RNF17: variants seen among roughly 807,000 people sequenced by gnomAD.
The protein encoded by RNF17 is spermatogenesis associated 23.
Under a neutral mutation model 200.5 loss-of-function variants are expected in RNF17, and 31 were observed. That is an observed-to-expected ratio of 0.15 (90% CI 0.12 to 0.21). The LOEUF is 0.21. Among genes scored for constraint, RNF17 ranks in the 10% least tolerant of loss-of-function variants. The pLI is 1.00. For missense variants in RNF17, 1,628 were observed against 1,905.1 expected, an observed-to-expected ratio of 0.85 and a Z score of 2.71; for synonymous variants, 606 against 637.8, an observed-to-expected ratio of 0.95 and a Z score of 0.75.
the RNF17 span, among the ~76,000 whole-genome samples, chr13:24,754,664 G>A: frequency 6.6e-6 from 1 of 152,098 alleles, no homozygotes; most frequent in Non-Finnish European, 1.5e-5. Flanking sequence ...CTGAGGCTGG[G>A]CAGATCGCTT....
chr13:24,776,534 G>T (rs1273412412), intron 3 of RNF17, among the ~76,000 whole-genome samples: 2 of 152,140 alleles, frequency 1.3e-5, no homozygotes, highest in African/African-American at 4.8e-5. Flanking sequence ...CTATACCACT[G>T]GTCACTTCCT....
chr13:24,835,187 C>CT (rs1321730897), intron 18 of RNF17, among the ~76,000 whole-genome samples: 1 of 152,084 alleles, frequency 6.6e-6, no homozygotes, highest in Non-Finnish European at 1.5e-5. Context: ...CAAGGAGAGT[C>CT]TGAGCTTAAA....
intron 25 of RNF17, among the ~76,000 whole-genome samples, chr13:24,858,315 C>T (rs1892739083): frequency 6.6e-6 from 1 of 152,158 alleles, no homozygotes; most frequent in Non-Finnish European, 1.5e-5. Context: ...TATAAATAGT[C>T]ATTGTTCAAA....
At chr13:24,815,437 GT>G in intron 15 of RNF17, among the ~76,000 whole-genome samples, 1 of 79,692 alleles carries the variant, frequency 1.3e-5, no homozygotes, top group South Asian at 5.0e-4. Context: ...GGGTGTGTGT[GT>G]GTGTGTGTGT....
At chr13:24,832,169 A>G (rs1793347627) in intron 18 of RNF17, among the ~76,000 whole-genome samples, 191 bp downstream of exon 18, 1 of 152,216 alleles carries the variant, frequency 6.6e-6, no homozygotes, top group African/African-American at 2.4e-5. Context: ...AAAAATCACC[A>G]TAAAAGATCA....
chr13:24,796,454 C>T (rs1884584466), intron 11 of RNF17, among the ~76,000 whole-genome samples, 159 bp downstream of exon 11: 1 of 152,082 alleles, frequency 6.6e-6, no homozygotes, highest in Non-Finnish European at 1.5e-5. Flanking sequence ...ATTATTTAGG[C>T]AAATTAGCTA....
At chr13:24,825,558 A>C in intron 15 of RNF17, 61 bp from the exon 16 acceptor site, 1 of 1,109,036 alleles carries the variant, frequency 9.0e-7, no homozygotes, top group Non-Finnish European at 1.3e-6. Flanking sequence ...CTTGTAATTC[A>C]TTCAACACTT....
the RNF17 span, among the ~76,000 whole-genome samples, chr13:24,887,643 A>G: frequency 2.0e-3 from 305 of 151,690 alleles, no homozygotes; most frequent in African/African-American, 7.0e-3. Context: ...GGTGAGTTGT[A>G]TAATTATTTC....
intron 1 of RNF17, among the ~76,000 whole-genome samples, chr13:24,766,949 C>A (rs1196462830): frequency 6.6e-6 from 1 of 152,214 alleles, no homozygotes; most frequent in Non-Finnish European, 1.5e-5. Flanking sequence ...ATAAGTCAAC[C>A]ATTTCAAACT....
intron 11 of RNF17, among the ~76,000 whole-genome samples, chr13:24,798,977 CA>C (rs1884932251): frequency 6.6e-6 from 1 of 152,152 alleles, no homozygotes. Context: ...TCTCTCATTA[CA>C]AACTTTAATA....
rs1338694073 is a variant in RNF17 at position 24,860,881 on chromosome 13, C to T, written c.3775-387C>T. On this transcript the variant is annotated intron_variant, in intron 26 of 35. Transcript: ENST00000255324. ...TCCAGATTTTAAACTTTTCAGATGT[C>T]TTTTTTTTTTTTTTGAAACAAGTTC... Among the ~76,000 whole-genome samples, 7 of 144,298 alleles carry T rather than the reference C, an allele frequency of 4.9e-5. No homozygotes were observed. In the South Asian group the frequency reaches 8.8e-4, roughly 18 times the overall value. 94.7% of individuals were successfully genotyped at this position (144,298 alleles called of 152,430 possible).
At chr13:24,819,514 T>C (rs1460773979) in intron 15 of RNF17, among the ~76,000 whole-genome samples, 1 of 152,228 alleles carries the variant, frequency 6.6e-6, no homozygotes, top group Non-Finnish European at 1.5e-5. Context: ...TCTTGTTTCC[T>C]TTTTGTGTTT....
chr13:24,757,344 G>T, the RNF17 span, among the ~76,000 whole-genome samples: 1 of 149,212 alleles, frequency 6.7e-6, no homozygotes, highest in East Asian at 2.0e-4. Flanking sequence ...TTTTCCTTGA[G>T]GTGGAGTTTC....
In RNF17 at chr13:24,879,223, G is replaced by A. The variant is rs371675646; in HGVS notation, c.4810G>A (p.Asp1604Asn). Reference sequence around the variant, plus strand: ...AGAACAGATAGTGACATTATATGACGATGAACAGCATCCAGTTCATATGCC... The same window carrying A: ...AGAACAGATAGTGACATTATATGACAATGAACAGCATCCAGTTCATATGCC... Reference protein sequence around the residue: ...APEQIVTLYDDEQHPVHMPLV... With the variant: ...APEQIVTLYDNEQHPVHMPLV... Residue 1604 changes from aspartate (D) to asparagine (N), a missense_variant, in exon 35 of 36, where the codon GAT (aspartate) becomes AAT (asparagine). Transcript: ENST00000255324. 2.1e-5 allele frequency: 34 copies of A among 1,613,688 alleles called. No individual in the cohort carries two copies. The highest frequency in any genetic ancestry group is 1.9e-4 in the African/African-American group (14 of 75,012).
chr13:24,821,488 G>A (rs973524084), intron 15 of RNF17, among the ~76,000 whole-genome samples: 1 of 152,026 alleles, frequency 6.6e-6, no homozygotes, highest in South Asian at 2.1e-4. Context: ...TAATGTCTCT[G>A]TTGGTTCACT....
intron 15 of RNF17, among the ~76,000 whole-genome samples, chr13:24,815,428 G>GT: frequency 6.9e-6 from 1 of 144,194 alleles, no homozygotes; most frequent in East Asian, 2.0e-4. Flanking sequence ...GCCCTAACGG[G>GT]GTGTGTGTGT....
rs567504944 is a variant in RNF17, at chr13:24,789,816, G to A, written c.935+44G>A. On this transcript the variant is annotated intron_variant, in intron 9 of 35. Transcript: ENST00000255324. ...GGTAACATGCCATTAGTGTCTGACA[G>A]TACTTACATTATCTAAGAGACAGAA... 1.4e-5 allele frequency: 15 copies of A among 1,054,538 alleles called. No individual in the cohort carries two copies. The South Asian group carries it at 1.8e-4, about 13-fold the overall frequency. 65.3% of individuals were successfully genotyped at this position (1,054,538 alleles called of 1,614,324 possible).
intron 14 of RNF17, among the ~76,000 whole-genome samples, chr13:24,803,578 C>T (rs1885509086): frequency 6.6e-6 from 1 of 152,190 alleles, no homozygotes; most frequent in African/African-American, 2.4e-5. Flanking sequence ...GCCACAGTGC[C>T]TAGGCTGTCC....
At chr13:24,849,283 G>C (rs143780616) in intron 22 of RNF17, among the ~76,000 whole-genome samples, 53 of 152,304 alleles carry the variant, frequency 3.5e-4, no homozygotes, top group African/African-American at 1.2e-3. Context: ...AATCTCTTCT[G>C]TGTTACCAAT....
Sources: gnomAD v4.1 joint callset for allele counts (sites outside exome capture counted in the v4.1 genomes callset) on GRCh38, gnomAD v4.1.1 for gene constraint, MANE v1.5 for transcripts, NCBI Gene and HGNC (gene_info 2026-07-23, HGNC 2026-07-21) for gene names.